GPAT4: variants seen among roughly 807,000 people sequenced by gnomAD.
The protein encoded by GPAT4 is 1-AGP acyltransferase 6.
In GPAT4, 17 loss-of-function variants were observed where a neutral mutation model predicts 58.0. The observed-to-expected ratio is 0.29, with a 90% CI of 0.20 to 0.44. The LOEUF (loss-of-function observed/expected upper bound fraction) is 0.44, where lower values mean the gene tolerates loss of function less well. Ranked by LOEUF, GPAT4 falls within the 20% of genes least tolerant of loss-of-function variation. GPAT4 has a pLI of 1.00. For synonymous variants in GPAT4, 204 were observed against 210.1 expected, an observed-to-expected ratio of 0.97 and a Z score of 0.25; for missense variants, 377 against 574.5, an observed-to-expected ratio of 0.66 and a Z score of 3.51.
At chr8:41,610,263 C>G (rs1324635751) in intron 4 of GPAT4, 2 of 1,260,784 alleles carry the variant, frequency 1.6e-6, no homozygotes, top group African/African-American at 1.5e-5. Flanking sequence ...CTCATTCTTT[C>G]CTGAAGCTTG....
intron 7 of GPAT4, 84 bp downstream of exon 7, chr8:41,612,357 A>G (rs1803470135): frequency 2.1e-6 from 3 of 1,396,082 alleles, no homozygotes; most frequent in Middle Eastern, 1.8e-4. Context: ...GACCCTTCAC[A>G]TAAACACATT....
Position 41,621,114 on chromosome 8 carries a change from C to A in GPAT4, c.*113C>A. On this transcript the variant is annotated 3_prime_UTR_variant, in exon 13 of 13. Coordinates refer to ENST00000396987, the MANE Select transcript of GPAT4 (RefSeq NM_178819.4). The stretch of plus-strand genomic sequence containing the variant: ...TTTCCAGACTCCAGGGCTCCCCGGG[C>A]TGCTCTGGATCCCAGGACTCCGGCT... 7.0e-7 allele frequency: 1 copy of A among 1,423,320 alleles called. No homozygotes were observed. Among genetic ancestry groups the A allele is most frequent in the Non-Finnish European group, 9.5e-7 (1 of 1,057,112 alleles). 88.2% of individuals were successfully genotyped at this position (1,423,320 alleles called of 1,614,324 possible).
chr8:41,594,587 T>C (rs955459865), intron 1 of GPAT4, among the ~76,000 whole-genome samples: 13 of 146,556 alleles, frequency 8.9e-5, no homozygotes, highest in Non-Finnish European at 1.5e-4. Context: ...GCTCTGTCGC[T>C]CAGGCTGGAG....
chr8:41,608,763 G>T (rs755093510), intron 2 of GPAT4, among the ~76,000 whole-genome samples: 1 of 152,156 alleles, frequency 6.6e-6, no homozygotes. Context: ...CAGAGACTTG[G>T]AATGGGTTGC....
chr8:41,622,997 A>G lies in GPAT4; in HGVS notation c.*1996A>G, dbSNP rs1372932133. The G allele has an allele frequency of 6.6e-6, 1 of 151,514 alleles. No homozygotes were observed. Among genetic ancestry groups the G allele is most frequent in the Non-Finnish European group, 1.5e-5 (1 of 67,932 alleles). 9.4% of individuals were successfully genotyped at this position (151,514 alleles called of 1,614,324 possible). ...TTCATCTGAAACTTTATGGTTTGTT[A>G]CTTTCGTGATTTGCATAGGTATTTA... On this transcript the variant is annotated 3_prime_UTR_variant, in exon 13 of 13. Transcript: ENST00000396987.
intron 1 of GPAT4, among the ~76,000 whole-genome samples, chr8:41,592,009 C>T (rs2150486588): frequency 6.6e-6 from 1 of 152,342 alleles, no homozygotes; most frequent in South Asian, 2.1e-4. Context: ...ATGTAAATGG[C>T]AGTCCAGTAT....
At chr8:41,605,177 CTG>C (rs1037675457) in intron 2 of GPAT4, among the ~76,000 whole-genome samples, 20 of 152,352 alleles carry the variant, frequency 1.3e-4, no homozygotes, top group Middle Eastern at 3.4e-3. Flanking sequence ...CTCTCTCAGA[CTG>C]TGCTGAAATG....
chr8:41,601,441 A>G (rs750946166), intron 2 of GPAT4, among the ~76,000 whole-genome samples: 1 of 152,232 alleles, frequency 6.6e-6, no homozygotes, highest in Non-Finnish European at 1.5e-5. Context: ...TGCGGATGGT[A>G]TAACTTACAC....
intron 1 of GPAT4, among the ~76,000 whole-genome samples, chr8:41,591,533 T>C (rs1317013167): frequency 6.6e-6 from 1 of 152,268 alleles, no homozygotes; most frequent in Non-Finnish European, 1.5e-5. Flanking sequence ...TAGTGATTCA[T>C]ATAGTACACT....
At chr8:41,613,070 C>A in intron 8 of GPAT4, 110 bp downstream of exon 8, 2 of 812,316 alleles carry the variant, frequency 2.5e-6, no homozygotes, top group Non-Finnish European at 3.7e-6. Flanking sequence ...TAAGCCTATA[C>A]TGCTTTCATA....
chr8:41,600,601 A>G (rs1297753182), intron 2 of GPAT4, among the ~76,000 whole-genome samples: 1 of 141,678 alleles, frequency 7.1e-6, no homozygotes, highest in African/African-American at 2.6e-5. Context: ...TTTTTTTTTT[A>G]CATTTAAGAA....
intron 1 of GPAT4, among the ~76,000 whole-genome samples, chr8:41,594,934 T>G (rs1214834760): frequency 1.3e-5 from 2 of 152,132 alleles, no homozygotes; most frequent in Non-Finnish European, 1.5e-5. Context: ...GTCCCCCCTT[T>G]TTTTCTGAAG....
At chr8:41,591,158 T>C (rs1802779273) in intron 1 of GPAT4, among the ~76,000 whole-genome samples, 2 of 152,058 alleles carry the variant, frequency 1.3e-5, no homozygotes, top group Admixed American at 1.3e-4. Flanking sequence ...GGGGGCTGCA[T>C]GCACCGGTAA....
intron 4 of GPAT4, 176 bp from the exon 5 acceptor site, chr8:41,610,560 A>C (rs1408601736): frequency 6.7e-7 from 1 of 1,502,696 alleles, no homozygotes; most frequent in Admixed American, 2.1e-5. Context: ...CTGGAATCAA[A>C]AGGATCTCTG....
Position 41,604,374 on chromosome 8 carries a change from A to T in GPAT4, c.166-5042A>T, listed in dbSNP as rs556551382. On this transcript the variant is annotated intron_variant, in intron 2 of 12. Coordinates refer to ENST00000396987, the MANE Select transcript of GPAT4 (RefSeq NM_178819.4). ...AGGAACATGGAGAGGATATGGGTGG[A>T]TCAATATCTTTTCTGTTCCCTTTCC... Among the ~76,000 whole-genome samples the T allele has an allele frequency of 2.6e-5, 4 of 152,322 alleles. No individual in the cohort carries two copies. In the East Asian group the frequency reaches 7.7e-4, roughly 29 times the overall value.
At chr8:41,618,580 C>T (rs904677590) in intron 10 of GPAT4, 104 bp from the exon 11 acceptor site, 2 of 1,438,874 alleles carry the variant, frequency 1.4e-6, no homozygotes, top group Admixed American at 1.7e-5. Context: ...AGCAGCACCC[C>T]AGTACCAGCA....
At chr8:41,607,555 T>C (rs1437316804) in intron 2 of GPAT4, among the ~76,000 whole-genome samples, 4 of 151,812 alleles carry the variant, frequency 2.6e-5, no homozygotes, top group Non-Finnish European at 5.9e-5. Context: ...TTTTTTTTTT[T>C]TGAGACAGGG....
intron 10 of GPAT4, among the ~76,000 whole-genome samples, chr8:41,615,355 G>T (rs1406150092): frequency 6.6e-6 from 1 of 151,982 alleles, no homozygotes; most frequent in Non-Finnish European, 1.5e-5. Context: ...AACCTAGCTG[G>T]AATGTAGGCC....
Position 41,621,989 on chromosome 8 carries a change from C to G in GPAT4, c.*988C>G, listed in dbSNP as rs1034733798. On this transcript the variant is annotated 3_prime_UTR_variant, in exon 13 of 13. Coordinates refer to ENST00000396987, the MANE Select transcript of GPAT4 (RefSeq NM_178819.4). ...CAGGCTTCTCGTGAGGATTCCCGTT[C>G]TCTTCTGGGAGCATGGCCCTGGGGC... 1 of 152,258 alleles carries G rather than the reference C, an allele frequency of 6.6e-6. No homozygotes were observed. The highest frequency in any genetic ancestry group is 1.9e-4 in the East Asian group (1 of 5,204). 9.4% of individuals were successfully genotyped at this position (152,258 alleles called of 1,614,324 possible).
Sources: allele counts gnomAD v4.1 joint callset (sites outside exome capture counted in the v4.1 genomes callset), GRCh38; gene constraint gnomAD v4.1.1; transcripts MANE v1.5; gene names NCBI Gene and HGNC (gene_info 2026-07-23, HGNC 2026-07-21).